Variants in GPC5 observed in about 807,000 individuals in gnomAD.
GPC5 encodes glypican-5.
A neutral mutation model predicts 53.9 loss-of-function variants in GPC5; 47 were observed. The observed-to-expected ratio is 0.87, with a 90% CI of 0.69 to 1.11. GPC5 has a LOEUF of 1.11. Among genes scored for constraint, GPC5 ranks in the 50% most tolerant of loss-of-function variants. GPC5 has a pLI of 0.00. For missense variants in GPC5, 748 were observed against 713.1 expected (o/e 1.05, Z -0.56); for synonymous variants, 286 against 263.3 (o/e 1.09, Z -0.84).
Position 91,454,457 on chromosome 13 carries a change from T to C in GPC5, c.325+5535T>C, listed in dbSNP as rs568609706. ...TCTTGCAAGCACAGTAATTTGCTTA[T>C]AGCTGGTGAAACAGTTCTTGATTTT... On this transcript the variant is annotated intron_variant, in intron 2 of 7. Coordinates refer to ENST00000377067, the MANE Select transcript of GPC5 (RefSeq NM_004466.6). Among the ~76,000 whole-genome samples, 49 of 152,254 alleles carry C rather than the reference T, an allele frequency of 3.2e-4. No homozygotes were observed. In the South Asian group the frequency reaches 8.5e-3, roughly 26 times the overall value.
At chr13:92,486,711 G>T (rs751924341) in intron 7 of GPC5, among the ~76,000 whole-genome samples, 1 of 152,104 alleles carries the variant, frequency 6.6e-6, no homozygotes, top group Non-Finnish European at 1.5e-5. Context: ...GTGCTCTACT[G>T]TCCAAAAAAA....
At position 92,260,781 on chromosome 13, in the gene GPC5, C is replaced by T. The variant is rs75479813; in HGVS notation, c.1561+115792C>T. Among the ~76,000 whole-genome samples, 479 of 152,232 alleles carry T rather than the reference C, an allele frequency of 3.1e-3. 2 individuals carry two copies. The highest frequency in any genetic ancestry group is 0.011 in the African/African-American group (460 of 41,554). On this transcript the variant is annotated intron_variant, in intron 7 of 7. Transcript: ENST00000377067. The stretch of plus-strand genomic sequence containing the variant: ...TTGGTAGAAAGACTGATAAAACATC[C>T]ATCTCTATTCCTGTCTTATTACTTG...
At chr13:91,534,124 G>A (rs190999552) in intron 2 of GPC5, among the ~76,000 whole-genome samples, 270 of 152,036 alleles carry the variant, frequency 1.8e-3, no homozygotes, top group African/African-American at 5.8e-3. Context: ...CCTAAGGTTC[G>A]GATATTTCAT....
At chr13:91,632,233 G>A (rs779730905) in intron 2 of GPC5, among the ~76,000 whole-genome samples, 11 of 152,166 alleles carry the variant, frequency 7.2e-5, no homozygotes, top group South Asian at 2.1e-4. Context: ...TCATAGAATC[G>A]TTAGATGATT....
chr13:91,423,811 A>T (rs1878818279), intron 1 of GPC5, among the ~76,000 whole-genome samples: 1 of 152,248 alleles, frequency 6.6e-6, no homozygotes. Context: ...GTATACAGGT[A>T]TGTGAATGTT....
intron 7 of GPC5, among the ~76,000 whole-genome samples, chr13:92,255,466 A>G (rs1217220467): frequency 1.3e-5 from 2 of 152,184 alleles, no homozygotes; most frequent in Non-Finnish European, 2.9e-5. Flanking sequence ...TGTCTCTTCC[A>G]AATTTATGTA....
In GPC5 at chr13:91,950,600, G is replaced by C. The variant is rs187750376; in HGVS notation, c.1401+42543G>C. Reference sequence around the variant, plus strand: ...TTCAGTTTTCTCTTCCTTAAAGTTAGAATAAAAATACCAAATTCCTGTGTT... The same window carrying C: ...TTCAGTTTTCTCTTCCTTAAAGTTACAATAAAAATACCAAATTCCTGTGTT... On this transcript the variant is annotated intron_variant, in intron 6 of 7. Transcript: ENST00000377067. Among the ~76,000 whole-genome samples the C allele has an allele frequency of 4.3e-3, 661 of 152,204 alleles. 11 individuals carry two copies. Among genetic ancestry groups the C allele is most frequent in the African/African-American group, 0.015 (635 of 41,540 alleles).
intron 7 of GPC5, among the ~76,000 whole-genome samples, chr13:92,745,583 C>T (rs1242244123): frequency 1.3e-5 from 2 of 152,060 alleles, no homozygotes; most frequent in Admixed American, 6.6e-5. Flanking sequence ...AAGCTGAGTC[C>T]TCTGGTCATT....
chr13:92,601,583 AAC>A (rs1281174632), intron 7 of GPC5, among the ~76,000 whole-genome samples: 2 of 151,450 alleles, frequency 1.3e-5, no homozygotes, highest in Non-Finnish European at 2.9e-5. Flanking sequence ...AAAAAGAAGA[AAC>A]ACATATTGCT....
intron 3 of GPC5, among the ~76,000 whole-genome samples, chr13:91,715,765 A>G (rs1268459217): frequency 7.0e-6 from 1 of 142,038 alleles, no homozygotes; most frequent in African/African-American, 2.7e-5. Flanking sequence ...TTTTTTTAAG[A>G]TAGGGTCTCT....
chr13:91,880,611 T>C (rs973236952), intron 5 of GPC5, among the ~76,000 whole-genome samples: 2 of 152,192 alleles, frequency 1.3e-5, no homozygotes, highest in Non-Finnish European at 2.9e-5. Flanking sequence ...CAGACATTTT[T>C]TGGGAACGCC....
intron 6 of GPC5, among the ~76,000 whole-genome samples, chr13:92,137,442 G>T (rs1242161699): frequency 6.6e-6 from 1 of 152,092 alleles, no homozygotes. Flanking sequence ...CTCCCATATG[G>T]GTTCTCTCCT....
chr13:91,591,445 C>T lies in GPC5; in HGVS notation c.326-101742C>T, dbSNP rs189694643. Among the ~76,000 whole-genome samples, 21 of 152,128 alleles carry T rather than the reference C, an allele frequency of 1.4e-4. No homozygotes were observed. In the East Asian group the frequency reaches 1.5e-3, roughly 11 times the overall value. ...GTGGTCATCTTGTGTAGTTTCTAGC[C>T]GGGGTTCTTGGTATTTTTTGAGTTT... is the stretch of plus-strand genomic sequence containing the variant. On this transcript the variant is annotated intron_variant, in intron 2 of 7. Coordinates refer to ENST00000377067, the MANE Select transcript of GPC5 (RefSeq NM_004466.6).
intron 7 of GPC5, among the ~76,000 whole-genome samples, chr13:92,654,968 G>A (rs879865461): frequency 3.0e-4 from 45 of 152,156 alleles, no homozygotes; most frequent in African/African-American, 7.2e-4. Flanking sequence ...GAGGAGATGC[G>A]TTTATAGATG....
intron 7 of GPC5, among the ~76,000 whole-genome samples, chr13:92,775,664 T>C (rs1875777913): frequency 6.6e-6 from 1 of 151,940 alleles, no homozygotes; most frequent in South Asian, 2.1e-4. Context: ...GTAAAAACCT[T>C]ATGACTCCAT....
At chr13:92,176,548 T>A (rs1391529361) in intron 7 of GPC5, among the ~76,000 whole-genome samples, 1 of 152,160 alleles carries the variant, frequency 6.6e-6, no homozygotes, top group Non-Finnish European at 1.5e-5. Context: ...TGAAAAAAAA[T>A]AAATGAAGGG....
chr13:92,743,588 G>C (rs1889163973), intron 7 of GPC5, among the ~76,000 whole-genome samples: 1 of 152,030 alleles, frequency 6.6e-6, no homozygotes, highest in Non-Finnish European at 1.5e-5. Flanking sequence ...TCTTTCTCCT[G>C]CCTGATTGCC....
At chr13:92,543,769 ATTATC>A (rs1015223681) in intron 7 of GPC5, among the ~76,000 whole-genome samples, 2 of 152,092 alleles carry the variant, frequency 1.3e-5, no homozygotes, top group African/African-American at 2.4e-5. Flanking sequence ...TTATCTAAAT[ATTATC>A]TTTTCAATAT....
At chr13:91,941,709 C>A (rs2039928901) in intron 6 of GPC5, among the ~76,000 whole-genome samples, 1 of 152,078 alleles carries the variant, frequency 6.6e-6, no homozygotes, top group African/African-American at 2.4e-5. Flanking sequence ...TCAAAGTGGG[C>A]ACTTCATGTA....
Sources: allele counts gnomAD v4.1 joint callset (sites outside exome capture counted in the v4.1 genomes callset), GRCh38; gene constraint gnomAD v4.1.1; transcripts MANE v1.5; gene names NCBI Gene and HGNC (gene_info 2026-07-23, HGNC 2026-07-21).